The following CLVS1 variants were observed in gnomAD, a reference collection of about 807,000 sequenced individuals.
CLVS1 encodes clavesin 1, also known as clavesin-1.
In CLVS1, 10 loss-of-function variants were observed where a neutral mutation model predicts 33.1. That is an observed-to-expected ratio of 0.30 (90% confidence interval 0.19 to 0.51). CLVS1 has a LOEUF of 0.51. Ranked by LOEUF, CLVS1 falls within the 20% of genes least tolerant of loss-of-function variation. The pLI, the probability that CLVS1 is intolerant of heterozygous loss-of-function variation, is 0.97. For missense variants in CLVS1, 343 were observed against 433.4 expected, an observed-to-expected ratio of 0.79 and a Z score of 1.85; for synonymous variants, 163 against 166.1, an observed-to-expected ratio of 0.98 and a Z score of 0.14.
chr8:61,127,046 C>G (rs1013677040), intron 1 of CLVS1, among the ~76,000 whole-genome samples: 2 of 152,122 alleles, frequency 1.3e-5, no homozygotes, highest in African/African-American at 4.8e-5. Flanking sequence ...CAGTGACTTT[C>G]CCACAGTATA....
rs1347314602 is a variant in CLVS1 at position 61,108,436 on chromosome 8, G to T, written c.-242-23334G>T. On this transcript the variant is annotated intron_variant, in intron 1 of 2. Transcript: ENST00000522621. Reference sequence around the variant, plus strand: ...TTCTGGTATCCAAAAGCTCTAAATGGCTCCATAGATCTCTGTTTTAATCTA... The same window carrying T: ...TTCTGGTATCCAAAAGCTCTAAATGTCTCCATAGATCTCTGTTTTAATCTA... 2.0e-5 allele frequency among the ~76,000 whole-genome samples: 3 copies of T among 152,064 alleles called. No homozygotes were observed. In the East Asian group the frequency reaches 5.8e-4, roughly 29 times the overall value.
At chr8:61,196,543 C>G (rs890473847) in intron 2 of CLVS1, among the ~76,000 whole-genome samples, 1 of 152,282 alleles carries the variant, frequency 6.6e-6, no homozygotes, top group Non-Finnish European at 1.5e-5. Flanking sequence ...GGCTTAGGCA[C>G]AGTTGAACTT....
chr8:60,965,763 A>G, the CLVS1 span: 1 of 152,088 alleles, frequency 6.6e-6, no homozygotes, highest in East Asian at 1.9e-4. Context: ...TGGCATTTTT[A>G]TTTACCATTT....
chr8:61,010,338 G>C, the CLVS1 span, among the ~76,000 whole-genome samples: 42 of 152,236 alleles, frequency 2.8e-4, no homozygotes, highest in African/African-American at 9.9e-4. Context: ...GAGTAAGGTT[G>C]ATAGATAAAA....
At chr8:61,137,104 C>A (rs557398889) in intron 2 of CLVS1, among the ~76,000 whole-genome samples, 9 of 152,278 alleles carry the variant, frequency 5.9e-5, no homozygotes, top group South Asian at 2.1e-4. Flanking sequence ...TAGGGCTTCA[C>A]TGGGCTAAGA....
In CLVS1 at chr8:61,166,031, G is replaced by GT. The variant is rs71245557; in HGVS notation, c.-152+34185dup. On this transcript the variant is annotated intron_variant, in intron 2 of 2. Coordinates refer to the CLVS1 transcript ENST00000522621. ...TATTTTTGTGGCTAAGCATCTAAGC[G>GT]TTTTTTTTTTTTTTGCCTGCCTTTG... Among the ~76,000 whole-genome samples the GT allele has an allele frequency of 2.5e-3, 268 of 108,346 alleles. 10 individuals are homozygous for GT. Among genetic ancestry groups the GT allele is most frequent in the Middle Eastern group, 6.9e-3 (1 of 144 alleles). The allele number at this position is 108,346 out of a possible 152,430, so 71.1% of individuals were successfully genotyped here.
At chr8:61,107,689 C>T (rs1431174408) in intron 1 of CLVS1, among the ~76,000 whole-genome samples, 1 of 152,230 alleles carries the variant, frequency 6.6e-6, no homozygotes, top group African/African-American at 2.4e-5. Context: ...TGAAGATGAG[C>T]ATCGCTGCTT....
chr8:61,264,244 T>C (rs746804393), intron 2 of CLVS1, among the ~76,000 whole-genome samples: 1 of 152,004 alleles, frequency 6.6e-6, no homozygotes, highest in Non-Finnish European at 1.5e-5. Flanking sequence ...ATGCCGTCTA[T>C]ATGCTTGAAG....
At chr8:61,183,022 C>T (rs1432828779) in intron 2 of CLVS1, among the ~76,000 whole-genome samples, 2 of 152,120 alleles carry the variant, frequency 1.3e-5, no homozygotes, top group East Asian at 3.9e-4. Context: ...TGGAAGCCAT[C>T]ATCCTCAGCA....
Position 61,386,783 on chromosome 8 carries a change from T to C in CLVS1, c.630+10004T>C, listed in dbSNP as rs547617523. Reference sequence around the variant, plus strand: ...ATGGTAATGATGATCATGATGATGATAGCAGTGATGGTAACCTATTAGTCT... The same window carrying C: ...ATGGTAATGATGATCATGATGATGACAGCAGTGATGGTAACCTATTAGTCT... On this transcript the variant is annotated intron_variant, in intron 3 of 5. Transcript: ENST00000325897. 7.9e-5 allele frequency among the ~76,000 whole-genome samples: 12 copies of C among 152,316 alleles called. No individual in the cohort carries two copies. The South Asian group carries it at 1.2e-3, about 16-fold the overall frequency.
chr8:61,491,060 T>C (rs1804060158), intron 5 of CLVS1, among the ~76,000 whole-genome samples: 1 of 152,182 alleles, frequency 6.6e-6, no homozygotes, highest in Non-Finnish European at 1.5e-5. Flanking sequence ...GCCAAACTTC[T>C]GTAATTTTGA....
chr8:61,172,209 G>A (rs759821210), intron 2 of CLVS1, among the ~76,000 whole-genome samples: 2 of 152,130 alleles, frequency 1.3e-5, no homozygotes, highest in Non-Finnish European at 2.9e-5. Flanking sequence ...TTACATAAAA[G>A]GCATTTGAGG....
chr8:61,337,027 C>A (rs1408536500), intron 2 of CLVS1, among the ~76,000 whole-genome samples: 3 of 152,136 alleles, frequency 2.0e-5, no homozygotes, highest in Non-Finnish European at 2.9e-5. Flanking sequence ...AATTTTGGGG[C>A]TTTCTCAGCT....
At chr8:60,978,891 A>T in the CLVS1 span, among the ~76,000 whole-genome samples, 1 of 152,046 alleles carries the variant, frequency 6.6e-6, no homozygotes, top group Non-Finnish European at 1.5e-5. Context: ...CTATAACACT[A>T]TAAAATCAAG....
intron 2 of CLVS1, among the ~76,000 whole-genome samples, chr8:61,354,017 A>G (rs1199204082): frequency 6.6e-6 from 1 of 151,924 alleles, no homozygotes; most frequent in African/African-American, 2.4e-5. Context: ...TAAAAACTAC[A>G]CAACGTGAAA....
chr8:61,445,340 C>A (rs984851042), intron 3 of CLVS1, among the ~76,000 whole-genome samples: 1 of 152,088 alleles, frequency 6.6e-6, no homozygotes, highest in Admixed American at 6.5e-5. Context: ...GGAGGCAGAG[C>A]CTAGTGGGTC....
intron 1 of CLVS1, among the ~76,000 whole-genome samples, chr8:61,104,340 CA>C (rs1805498618): frequency 1.3e-5 from 2 of 152,180 alleles, no homozygotes. Context: ...GTTGTTCCAA[CA>C]GATTTAAATT....
intron 3 of CLVS1, among the ~76,000 whole-genome samples, chr8:61,450,925 C>G (rs1489357756): frequency 1.3e-5 from 2 of 152,118 alleles, no homozygotes; most frequent in South Asian, 2.1e-4. Flanking sequence ...CTTTAAAATA[C>G]GGCAGATGAA....
chr8:61,131,102 G>T (rs1806089354), intron 1 of CLVS1, among the ~76,000 whole-genome samples: 2 of 152,148 alleles, frequency 1.3e-5, no homozygotes, highest in Non-Finnish European at 2.9e-5. Context: ...CTCAGTGGCT[G>T]GTCACCACCC....
Sources: allele counts gnomAD v4.1 joint callset (sites outside exome capture counted in the v4.1 genomes callset), GRCh38; gene constraint gnomAD v4.1.1; transcripts MANE v1.5; gene names NCBI Gene and HGNC (gene_info 2026-07-23, HGNC 2026-07-21).